AHCYL2: variants seen among roughly 807,000 people sequenced by gnomAD.
AHCYL2 encodes adenosylhomocysteinase like 2.
Under a neutral mutation model 81.4 loss-of-function variants are expected in AHCYL2, and 28 were observed. That is an observed-to-expected ratio of 0.34 (90% CI 0.25 to 0.47). The LOEUF (loss-of-function observed/expected upper bound fraction) is 0.47. Among genes scored for constraint, AHCYL2 ranks in the 20% least tolerant of loss-of-function variants. AHCYL2 has a pLI of 1.00. For synonymous variants in AHCYL2, 272 were observed against 290.2 expected, an observed-to-expected ratio of 0.94 and a Z score of 0.64; for missense variants, 551 against 785.1, an observed-to-expected ratio of 0.70 and a Z score of 3.56.
chr7:129,409,345 A>C, intron 10 of AHCYL2, 131 bp from the exon 11 acceptor site: 1 of 620,974 alleles, frequency 1.6e-6, no homozygotes, highest in African/African-American at 1.9e-5. Context: ...AATTGTTTGG[A>C]TTTTTCACTT....
Position 129,406,263 on chromosome 7 carries a change from C to A in AHCYL2, c.1207-115C>A. 1.2e-6 allele frequency: 1 copy of A among 859,616 alleles called. No homozygotes were observed. 53.2% of individuals were successfully genotyped at this position (859,616 alleles called of 1,614,324 possible). On this transcript the variant is annotated intron_variant, in intron 9 of 16. Coordinates refer to ENST00000325006, the MANE Select transcript of AHCYL2 (RefSeq NM_015328.4). This position sits in a 1 kb window ranked among gnomAD's most constrained non-coding sequence, Gnocchi z 4.3. ...CTTCTCGTTTTCCCCAAGTATGAAT[C>A]TATTCAGTGAAATTCCTCTCGGGGG...
At position 129,401,185 on chromosome 7, in the gene AHCYL2, A is replaced by G. The variant is rs868497154; in HGVS notation, c.918+801A>G. Among the ~76,000 whole-genome samples the G allele has an allele frequency of 3.0e-4, 45 of 152,154 alleles. 1 individual carries two copies. In the Middle Eastern group the frequency reaches 0.031, roughly 104 times the overall value. ...ACAAAAATTAGCAGGATGTGTTGGCATGCACCTGTAGTAGTAGTCCCAGCT... is the reference window on the plus strand; with the variant it reads ...ACAAAAATTAGCAGGATGTGTTGGCGTGCACCTGTAGTAGTAGTCCCAGCT... On this transcript the variant is annotated intron_variant, in intron 6 of 16. Coordinates refer to ENST00000325006, the MANE Select transcript of AHCYL2 (RefSeq NM_015328.4).
intron 1 of AHCYL2, among the ~76,000 whole-genome samples, chr7:129,241,873 A>G (rs1440228472): frequency 2.6e-5 from 4 of 151,800 alleles, no homozygotes; most frequent in Admixed American, 2.6e-4. Flanking sequence ...AAAAAGGGAG[A>G]CAGAAAAAAA....
At chr7:129,362,371 A>G (rs1793959791) in intron 1 of AHCYL2, among the ~76,000 whole-genome samples, 1 of 152,122 alleles carries the variant, frequency 6.6e-6, no homozygotes, top group African/African-American at 2.4e-5. Context: ...TAAGTAAGAT[A>G]CCTAACATCA....
At chr7:129,357,850 C>T (rs1203599328) in intron 1 of AHCYL2, among the ~76,000 whole-genome samples, 1 of 150,382 alleles carries the variant, frequency 6.6e-6, no homozygotes, top group East Asian at 2.0e-4. Context: ...AGGAGAATAG[C>T]GTGAATCCAG....
At chr7:129,407,085 C>A (rs1796342210) in intron 10 of AHCYL2, among the ~76,000 whole-genome samples, 1 of 152,192 alleles carries the variant, frequency 6.6e-6, no homozygotes, top group Non-Finnish European at 1.5e-5. Context: ...GTAATGGGTT[C>A]ATGCCTGTAA....
At chr7:129,369,280 C>T (rs994295046) in intron 1 of AHCYL2, among the ~76,000 whole-genome samples, 5 of 152,230 alleles carry the variant, frequency 3.3e-5, no homozygotes, top group African/African-American at 1.2e-4. Flanking sequence ...TGATTTCTTA[C>T]AGCCCACACA....
At chr7:129,286,904 G>A (rs561511892) in intron 1 of AHCYL2, among the ~76,000 whole-genome samples, 5 of 151,820 alleles carry the variant, frequency 3.3e-5, no homozygotes, top group Non-Finnish European at 5.9e-5. Flanking sequence ...CTATAAACCC[G>A]CCATGTGTTA....
chr7:129,338,751 G>A (rs1793053232), intron 1 of AHCYL2, among the ~76,000 whole-genome samples: 1 of 152,102 alleles, frequency 6.6e-6, no homozygotes, highest in Admixed American at 6.5e-5. Flanking sequence ...CAATTTGTTG[G>A]AGCTTTTTGT....
chr7:129,309,487 A>G (rs547615644), intron 1 of AHCYL2, among the ~76,000 whole-genome samples: 13 of 149,574 alleles, frequency 8.7e-5, no homozygotes, highest in African/African-American at 3.2e-4. Flanking sequence ...CTGCAGTGAG[A>G]TGTGATCACA....
chr7:129,286,400 C>G (rs1796630452), intron 1 of AHCYL2, among the ~76,000 whole-genome samples: 1 of 151,674 alleles, frequency 6.6e-6, no homozygotes, highest in Non-Finnish European at 1.5e-5. Context: ...TTACCTTTAC[C>G]TGGTTTTCAA....
intron 2 of AHCYL2, among the ~76,000 whole-genome samples, chr7:129,380,063 T>C (rs1236294395): frequency 6.6e-6 from 1 of 151,914 alleles, no homozygotes; most frequent in Non-Finnish European, 1.5e-5. Flanking sequence ...TGTATATACT[T>C]GTGGTCTTTT....
At chr7:129,364,033 T>C (rs910501673) in intron 1 of AHCYL2, among the ~76,000 whole-genome samples, 8 of 149,970 alleles carry the variant, frequency 5.3e-5, no homozygotes, top group African/African-American at 2.5e-5. Context: ...CTCCTGGGAG[T>C]TCAAGACAAG....
intron 1 of AHCYL2, among the ~76,000 whole-genome samples, chr7:129,296,335 G>A (rs985384964): frequency 1.3e-5 from 2 of 152,168 alleles, no homozygotes; most frequent in African/African-American, 4.8e-5. Context: ...TTCCAATTAA[G>A]TACTTTCCCA....
At chr7:129,390,701 T>G (rs1246017085) in intron 4 of AHCYL2, among the ~76,000 whole-genome samples, 1 of 152,102 alleles carries the variant, frequency 6.6e-6, no homozygotes, top group Non-Finnish European at 1.5e-5. Context: ...CAAACTGACA[T>G]GAAAAGGAAG....
chr7:129,419,772 C>G lies in AHCYL2; in HGVS notation c.1462-3068C>G, dbSNP rs566274010. On this transcript the variant is annotated intron_variant, in intron 12 of 16. Transcript: ENST00000325006. The surrounding 1 kb of genome is among the most constrained non-coding windows in gnomAD (Gnocchi z 4.7). ...AAAAAAAAACCGGATATGCACTGTTCAGAATTATATAAGACCAATTTGTGC... is the reference window on the plus strand; with the variant it reads ...AAAAAAAAACCGGATATGCACTGTTGAGAATTATATAAGACCAATTTGTGC... 9.2e-5 allele frequency among the ~76,000 whole-genome samples: 14 copies of G among 151,640 alleles called. No individual in the cohort carries two copies. In the South Asian group the frequency reaches 2.7e-3, roughly 29 times the overall value.
intron 1 of AHCYL2, among the ~76,000 whole-genome samples, chr7:129,323,601 G>T (rs1798113387): frequency 6.6e-6 from 1 of 150,482 alleles, no homozygotes; most frequent in African/African-American, 2.5e-5. Flanking sequence ...GAAGTCTTCT[G>T]TATCTTTCCT....
chr7:129,260,794 A>AT (rs895581045), intron 1 of AHCYL2, among the ~76,000 whole-genome samples: 78 of 146,864 alleles, frequency 5.3e-4, no homozygotes, highest in Non-Finnish European at 5.7e-4. Flanking sequence ...ATTGGTTTCA[A>AT]TTTTTTTTTT....
intron 1 of AHCYL2, among the ~76,000 whole-genome samples, chr7:129,293,864 T>C (rs1251222473): frequency 2.0e-5 from 3 of 152,168 alleles, no homozygotes; most frequent in African/African-American, 7.2e-5. Context: ...GTATATAGTA[T>C]TGAGATTAAG....
Sources: gnomAD v4.1 joint callset for allele counts (sites outside exome capture counted in the v4.1 genomes callset) on GRCh38, gnomAD v4.1.1 for gene constraint, Gnocchi (gnomAD v3.1) non-coding constraint, MANE v1.5 for transcripts, NCBI Gene and HGNC (gene_info 2026-07-23, HGNC 2026-07-21) for gene names.